PRSS23: variants seen among roughly 807,000 people sequenced by gnomAD.
PRSS23 encodes serine protease 23.
A neutral mutation model predicts 34.7 loss-of-function variants in PRSS23; 25 were observed. That is an observed-to-expected ratio of 0.72 (90% CI 0.53 to 1.01). The LOEUF is 1.01. Ranked by LOEUF, PRSS23 falls within the 50% of genes least tolerant of loss-of-function variation. PRSS23 has a pLI of 0.00. For synonymous variants in PRSS23, 176 were observed against 186.6 expected (o/e 0.94, Z 0.46); for missense variants, 445 against 475.6 (o/e 0.94, Z 0.60).
chr11:86,872,781 A>T (rs1948693801), intron 2 of PRSS23, among the ~76,000 whole-genome samples: 1 of 152,218 alleles, frequency 6.6e-6, no homozygotes, highest in South Asian at 2.1e-4. Flanking sequence ...GGGAAAACAG[A>T]GACCTGGTTT....
intron 2 of PRSS23, chr11:86,921,468 T>C (rs60892036): frequency 4.6e-5 from 7 of 152,364 alleles, no homozygotes; most frequent in South Asian, 2.1e-4. Flanking sequence ...TTTAAGAAAT[T>C]ATTCACTCAA....
intron 2 of PRSS23, among the ~76,000 whole-genome samples, chr11:86,930,567 G>A (rs1328314107): frequency 2.0e-5 from 3 of 152,240 alleles, no homozygotes; most frequent in Admixed American, 6.5e-5. Context: ...CGAGGCGGGC[G>A]GATCACAAGG....
intron 2 of PRSS23, among the ~76,000 whole-genome samples, chr11:86,842,273 G>A (rs1451781836): frequency 6.6e-6 from 1 of 152,132 alleles, no homozygotes; most frequent in East Asian, 1.9e-4. Flanking sequence ...GGTATTGATG[G>A]AACGTATCTC....
At chr11:86,867,489 T>A (rs1939102) in intron 2 of PRSS23, among the ~76,000 whole-genome samples, 33,589 of 152,174 alleles carry the variant, frequency 0.22, 3,841 homozygotes, top group Admixed American at 0.25. Context: ...AAGGGATCAA[T>A]AAATGAATGG....
chr11:86,798,044 T>C (rs941595694), upstream of PRSS23, among the ~76,000 whole-genome samples: 1 of 152,206 alleles, frequency 6.6e-6, no homozygotes, highest in Non-Finnish European at 1.5e-5. Flanking sequence ...GTGCTCAATA[T>C]ATATTTGTTG....
chr11:86,928,532 G>A (rs557167273), intron 2 of PRSS23, among the ~76,000 whole-genome samples: 46 of 147,992 alleles, frequency 3.1e-4, no homozygotes, highest in African/African-American at 7.6e-4. Flanking sequence ...AACATTAGCC[G>A]AGCGTGGTGG....
At chr11:86,855,170 T>TA (rs200091495) in intron 2 of PRSS23, among the ~76,000 whole-genome samples, 1,930 of 140,560 alleles carry the variant, frequency 0.014, 61 homozygotes, top group East Asian at 0.11. Context: ...CCACCTCAAT[T>TA]AAAAAAAAAA....
rs982041642 is a variant in PRSS23, at chr11:86,951,554, A to G, written c.*269A>G. The G allele has an allele frequency of 2.5e-6, 4 of 1,614,194 alleles. No homozygotes were observed. The highest frequency in any genetic ancestry group is 1.1e-5 in the South Asian group (1 of 91,076). Reference sequence around the variant, plus strand: ...ACCTGCAGCAATGAACAAAGTTCCAATGACCAAATAAGTAAAGAGGGGAGC... The same window carrying G: ...ACCTGCAGCAATGAACAAAGTTCCAGTGACCAAATAAGTAAAGAGGGGAGC... On this transcript the variant is annotated 3_prime_UTR_variant, in exon 3 of 3. Coordinates refer to the PRSS23 transcript ENST00000533902.
intron 2 of PRSS23, among the ~76,000 whole-genome samples, chr11:86,918,421 A>G (rs1949027662): frequency 6.6e-6 from 1 of 152,222 alleles, no homozygotes; most frequent in Non-Finnish European, 1.5e-5. Flanking sequence ...AGAAAGAAAG[A>G]AAGAAGTCTT....
At chr11:86,939,431 T>TTTTTTTAAAAATATATATATA (rs1555084022) in intron 2 of PRSS23, among the ~76,000 whole-genome samples, 1 of 141,748 alleles carries the variant, frequency 7.1e-6, no homozygotes, top group Non-Finnish European at 1.5e-5. Flanking sequence ...TATATATTTT[T>TTTTTTTAAAAATATATATATA]TAACATGAGT....
At chr11:86,848,650 A>C (rs1372355065) in intron 2 of PRSS23, among the ~76,000 whole-genome samples, 1 of 152,190 alleles carries the variant, frequency 6.6e-6, no homozygotes, top group Non-Finnish European at 1.5e-5. Context: ...TAAACTTATC[A>C]CCTAAGAAGC....
chr11:86,845,069 C>G (rs1948476604), intron 2 of PRSS23, among the ~76,000 whole-genome samples: 1 of 138,350 alleles, frequency 7.2e-6, no homozygotes, highest in African/African-American at 2.7e-5. Flanking sequence ...GCCTGGGTAA[C>G]AAGAGTGAAA....
At chr11:86,833,473 GTA>G (rs140297591) in intron 2 of PRSS23, 12,983 of 345,180 alleles carry the variant, frequency 0.038, no homozygotes, top group East Asian at 0.05. Context: ...GTTCGGACAT[GTA>G]TATATATATA....
intron 1 of PRSS23, among the ~76,000 whole-genome samples, chr11:86,805,678 A>C (rs78230231): frequency 0.013 from 2,005 of 152,264 alleles, 54 homozygotes; most frequent in African/African-American, 0.046. Context: ...AAAGTCAAGC[A>C]AAAAGGTCCC....
intron 2 of PRSS23, among the ~76,000 whole-genome samples, chr11:86,943,395 C>T (rs1333580123): frequency 6.6e-6 from 1 of 152,116 alleles, no homozygotes; most frequent in Admixed American, 6.5e-5. Context: ...GAGGCTGAGG[C>T]GGGAGGATCG....
At chr11:86,823,445 G>A (rs1458391970) in exon 2 of PRSS23, 2 of 702,246 alleles carry the variant, frequency 2.8e-6, no homozygotes, top group Non-Finnish European at 5.2e-6. Context: ...CCCCACAACT[G>A]TGAAGCGAGA....
chr11:86,948,264 T>TG (rs1266462157), intron 2 of PRSS23: 1 of 152,176 alleles, frequency 6.6e-6, no homozygotes, highest in Non-Finnish European at 1.5e-5. Context: ...CAGAGGTCCC[T>TG]GCTCCTTTCC....
At chr11:86,799,222 G>A (rs565705006), upstream of PRSS23, among the ~76,000 whole-genome samples, 1 of 152,298 alleles carries the variant, frequency 6.6e-6, no homozygotes, top group South Asian at 2.1e-4. Flanking sequence ...TCCAGAATGA[G>A]CTACAGAGGG....
chr11:86,939,510 G>C (rs1949192758), intron 2 of PRSS23, among the ~76,000 whole-genome samples: 1 of 148,058 alleles, frequency 6.8e-6, no homozygotes, highest in African/African-American at 2.5e-5. Context: ...CAGACTACCT[G>C]CAAATATCAT....
Sources: gnomAD v4.1 joint callset for allele counts (sites outside exome capture counted in the v4.1 genomes callset) on GRCh38, gnomAD v4.1.1 for gene constraint, MANE v1.5 for transcripts, NCBI Gene and HGNC (gene_info 2026-07-23, HGNC 2026-07-21) for gene names.